GJA5: variants seen among roughly 807,000 people sequenced by gnomAD.
GJA5 encodes the protein gap junction alpha-5 protein.
A neutral mutation model predicts 7.9 loss-of-function variants in GJA5; 3 were observed. The ratio of observed to expected loss-of-function variants is 0.38; its 90% confidence interval spans 0.17 to 0.99. The LOEUF is 0.99. Ranked by LOEUF, GJA5 falls within the 50% of genes least tolerant of loss-of-function variation. GJA5 has a pLI of 0.38. For missense variants in GJA5, 390 were observed against 457.9 expected (o/e 0.85, Z 1.35); for synonymous variants, 193 against 181.0 (o/e 1.07, Z -0.53).
chr1:147,767,562 T>A (rs1238987538), intron 1 of GJA5, among the ~76,000 whole-genome samples: 71,233 of 133,250 alleles, frequency 0.53, 19,530 homozygotes, highest in African/African-American at 0.7. Context: ...TAATTTTTGT[T>A]ATTTTTTTTT....
At chr1:147,770,823 A>T (rs1253877766) in intron 1 of GJA5, among the ~76,000 whole-genome samples, 2 of 152,218 alleles carry the variant, frequency 1.3e-5, no homozygotes, top group Non-Finnish European at 2.9e-5. Context: ...GAAACAATTT[A>T]TTCTCAAAGT....
In GJA5 at chr1:147,758,200, CCTTA is replaced by C. The variant is rs781887233; in HGVS notation, c.1035_1038del (p.Ser345ArgfsTer38). On this transcript the variant is annotated frameshift_variant, in exon 2 of 2. Transcript: ENST00000579774. LOFTEE classifies it high-confidence loss of function. Reference sequence around the variant, plus strand: ...TCATCTGACCTTGCCTTGCTGCTGGCCTTACTAAGACGTCGCTTGTCACTATGAT... The same window carrying C: ...TCATCTGACCTTGCCTTGCTGCTGGCCTAAGACGTCGCTTGTCACTATGAT... The C allele has an allele frequency of 5.0e-6, 8 of 1,614,076 alleles. No homozygotes were observed. The highest frequency in any genetic ancestry group is 4.5e-5 in the East Asian group (2 of 44,872).
rs116612189 is a variant in GJA5 at position 147,772,675 on chromosome 1, G to A, written c.-34+577C>T. Among the ~76,000 whole-genome samples, 1,302 of 151,698 alleles carry A rather than the reference G, an allele frequency of 8.6e-3. 4 individuals carry two copies. Among genetic ancestry groups the A allele is most frequent in the Non-Finnish European group, 0.014 (955 of 67,964 alleles). On this transcript the variant is annotated intron_variant, in intron 1 of 1. Coordinates refer to the GJA5 transcript ENST00000430508. ...CTGGTTTCACATGCCTCTTTCCTCC[G>A]GCTGCAAGTGGCAGCCTGGATCTCT...
chr1:147,766,609 A>G (rs905416045), intron 1 of GJA5, among the ~76,000 whole-genome samples: 7 of 152,166 alleles, frequency 4.6e-5, no homozygotes, highest in Non-Finnish European at 1.5e-5. Context: ...CAGAAATTCC[A>G]TCACTGTGGA....
At chr1:147,767,550 G>C (rs2148963958) in intron 1 of GJA5, among the ~76,000 whole-genome samples, 1 of 97,606 alleles carries the variant, frequency 1.0e-5, no homozygotes, top group Admixed American at 1.4e-4. Flanking sequence ...ACCATACCCA[G>C]CTAATTTTTG....
At position 147,759,169 on chromosome 1, in the gene GJA5, C is replaced by G; in HGVS notation, c.70G>C (p.Val24Leu). 6.2e-7 allele frequency: 1 copy of G among 1,614,116 alleles called. No individual in the cohort carries two copies. The highest frequency in any genetic ancestry group is 1.1e-5 in the South Asian group (1 of 91,078). Reference protein sequence around the residue: ...VHKHSTVVGKVWLTVLFIFRM... With the variant: ...VHKHSTVVGKLWLTVLFIFRM... ...AATATGAAGAGGACAGTGAGCCAGA[C>G]CTTGCCTACCACGGTCGAGTGCTTG... The change falls in exon 2 of 2, where the codon GTC (valine) becomes CTC (leucine). Residue 24 changes from valine to leucine, a missense_variant. By Grantham distance (32) the Val-to-Leu change is conservative. Transcript: ENST00000579774.
At chr1:147,764,107 G>A (rs587692351), upstream of GJA5, among the ~76,000 whole-genome samples, 3 of 151,964 alleles carry the variant, frequency 2.0e-5, no homozygotes, top group African/African-American at 7.2e-5. Context: ...CACCATGCCC[G>A]GCCCAGTGCT....
At chr1:147,771,049 G>A (rs10900397) in intron 1 of GJA5, among the ~76,000 whole-genome samples, 24,837 of 152,098 alleles carry the variant, frequency 0.16, 2,449 homozygotes, top group East Asian at 0.26. Flanking sequence ...CGGGGGCAGA[G>A]CTTTGGCCTT....
rs986498625 is a variant in GJA5 at position 147,756,783 on chromosome 1, T to C, written c.*1379A>G. On this transcript the variant is annotated 3_prime_UTR_variant, in exon 2 of 2. Coordinates refer to ENST00000579774, the MANE Select transcript of GJA5 (RefSeq NM_181703.4). ...TTCCAATTCCAAGCATCGTTTACCT[T>C]CATCCAAAACAACAGCAACCCATTA... 8.5e-5 allele frequency: 13 copies of C among 152,284 alleles called. No individual in the cohort carries two copies. The highest frequency in any genetic ancestry group is 2.7e-4 in the African/African-American group (11 of 41,456). 9.4% of individuals were successfully genotyped at this position (152,284 alleles called of 1,614,324 possible). A position where few individuals can be genotyped will look rare whatever the true frequency, so the allele number is the denominator to read the frequency against.
At position 147,758,789 on chromosome 1, in the gene GJA5, G is replaced by A. The variant is rs1553226985; in HGVS notation, c.450C>T (p.Leu150=). Residue 150 remains leucine, a synonymous_variant, in exon 2 of 2, where the codon CTC becomes CTT. Transcript: ENST00000579774. ...NGRIALQGTL[L]NTYVCSILIR... ...TCAGGATGCTGCACACATAGGTGTTGAGCAGAGTGCCCTGGAGGGCAATCC... is the reference window on the plus strand; with the variant it reads ...TCAGGATGCTGCACACATAGGTGTTAAGCAGAGTGCCCTGGAGGGCAATCC... 1.7e-5 allele frequency: 28 copies of A among 1,614,136 alleles called. No homozygotes were observed. The highest frequency in any genetic ancestry group is 2.2e-5 in the Non-Finnish European group (26 of 1,179,968).
At chr1:147,764,108 G>A (rs1557947067), upstream of GJA5, among the ~76,000 whole-genome samples, 1 of 152,004 alleles carries the variant, frequency 6.6e-6, no homozygotes, top group East Asian at 1.9e-4. Context: ...ACCATGCCCG[G>A]CCCAGTGCTC....
At chr1:147,759,357 T>A (rs901674747) in intron 1 of GJA5, 86 bp from the exon 2 acceptor site, 15 of 788,736 alleles carry the variant, frequency 1.9e-5, no homozygotes, top group Non-Finnish European at 1.3e-5. Flanking sequence ...GGGATTCCAC[T>A]GATCCATCCA....
chr1:147,763,491 G>A (rs1553227667), upstream of GJA5, among the ~76,000 whole-genome samples: 1 of 152,166 alleles, frequency 6.6e-6, no homozygotes, highest in African/African-American at 2.4e-5. Context: ...CTCTGCCACT[G>A]ATACAAGTTC....
chr1:147,769,050 A>G (rs1664309072), intron 1 of GJA5, among the ~76,000 whole-genome samples: 1 of 152,176 alleles, frequency 6.6e-6, no homozygotes, highest in African/African-American at 2.4e-5. Context: ...TTTTCCTTTT[A>G]GCTTCTGCCT....
At chr1:147,765,054 T>C (rs1201421501), upstream of GJA5, among the ~76,000 whole-genome samples, 1 of 152,170 alleles carries the variant, frequency 6.6e-6, no homozygotes, top group Non-Finnish European at 1.5e-5. Context: ...CTAAGGAGGC[T>C]CAAGTCTTTC....
At chr1:147,768,286 C>A (rs1664278191) in intron 1 of GJA5, among the ~76,000 whole-genome samples, 2 of 152,118 alleles carry the variant, frequency 1.3e-5, no homozygotes, top group African/African-American at 4.8e-5. Context: ...ACAGATGGGT[C>A]CACTCAGAGA....
chr1:147,759,515 G>A (rs988274911), intron 1 of GJA5, among the ~76,000 whole-genome samples: 2 of 152,198 alleles, frequency 1.3e-5, no homozygotes. Flanking sequence ...CACTTTAACG[G>A]ATCTAGAAAT....
intron 1 of GJA5, among the ~76,000 whole-genome samples, chr1:147,769,827 AT>A (rs1553228783): frequency 6.6e-6 from 1 of 152,026 alleles, no homozygotes; most frequent in African/African-American, 2.4e-5. Context: ...AGCCACTCTC[AT>A]TCCTGTTTCA....
chr1:147,770,888 A>G (rs1664371860), intron 1 of GJA5, among the ~76,000 whole-genome samples: 1 of 152,222 alleles, frequency 6.6e-6, no homozygotes, highest in African/African-American at 2.4e-5. Flanking sequence ...TAAGGAAGTC[A>G]GCTTCCTTTC....
Sources: gnomAD v4.1 joint callset for allele counts (sites outside exome capture counted in the v4.1 genomes callset) on GRCh38, gnomAD v4.1.1 for gene constraint, MANE v1.5 for transcripts, NCBI Gene and HGNC (gene_info 2026-07-23, HGNC 2026-07-21) for gene names.